Variants in MCF2L2 observed in about 807,000 individuals in gnomAD.
MCF2L2 encodes probable guanine nucleotide exchange factor MCF2L2.
Under a neutral mutation model 150.2 loss-of-function variants are expected in MCF2L2, and 102 were observed. The ratio of observed to expected loss-of-function variants is 0.68; its 90% CI spans 0.58 to 0.80. The LOEUF (loss-of-function observed/expected upper bound fraction) is 0.80, where lower values mean the gene tolerates loss of function less well. Ranked by LOEUF, MCF2L2 falls within the 30% of genes least tolerant of loss-of-function variation. MCF2L2 has a pLI of 0.00. For synonymous variants in MCF2L2, 465 were observed against 491.3 expected (o/e 0.95, Z 0.71); for missense variants, 1,256 against 1,372.8 (o/e 0.91, Z 1.34).
intron 15 of MCF2L2, among the ~76,000 whole-genome samples, chr3:183,258,128 C>A (rs550408343): frequency 1.3e-5 from 2 of 152,054 alleles, no homozygotes; most frequent in Admixed American, 6.5e-5. Context: ...CCACCACACC[C>A]AGCTAATTTT....
intron 25 of MCF2L2, among the ~76,000 whole-genome samples, chr3:183,201,894 T>C (rs1234077224): frequency 6.6e-6 from 1 of 152,262 alleles, no homozygotes; most frequent in Non-Finnish European, 1.5e-5. Context: ...ATGTGGTTTT[T>C]GTCTTCGGAG....
At chr3:183,363,378 G>A (rs554828706) in intron 3 of MCF2L2, among the ~76,000 whole-genome samples, 1 of 152,312 alleles carries the variant, frequency 6.6e-6, no homozygotes, top group Non-Finnish European at 1.5e-5. Flanking sequence ...GATGTTTATA[G>A]AAGCTTTATT....
chr3:183,332,198 C>G (rs1730299305), intron 5 of MCF2L2, among the ~76,000 whole-genome samples: 1 of 152,168 alleles, frequency 6.6e-6, no homozygotes, highest in Admixed American at 6.5e-5. Flanking sequence ...TTTCATTAAG[C>G]TTGATAACTT....
At chr3:183,186,647 A>G (rs1721705010) in intron 27 of MCF2L2, among the ~76,000 whole-genome samples, 1 of 152,236 alleles carries the variant, frequency 6.6e-6, no homozygotes, top group African/African-American at 2.4e-5. Flanking sequence ...GAATCAATTG[A>G]ACCTGGGAGG....
chr3:183,378,249 G>C (rs1713307920), intron 3 of MCF2L2: 1 of 152,186 alleles, frequency 6.6e-6, no homozygotes. Context: ...AGGGAGGGGT[G>C]GGGGCTCATA....
rs555062346 is a variant in MCF2L2, at chr3:183,389,561, C to G, written c.160+135G>C. 3.3e-5 allele frequency: 23 copies of G among 700,976 alleles called. No individual in the cohort carries two copies. The South Asian group carries it at 3.7e-4, about 11-fold the overall frequency. 43.4% of individuals were successfully genotyped at this position (700,976 alleles called of 1,614,324 possible). A position where few individuals can be genotyped will look rare whatever the true frequency, so the allele number is the denominator to read the frequency against. ...CCTCTTCTGGCAGGATAGGCCTCAG[C>G]CTGTTCTAGTCCCGGGTGAAGCCTA... On this transcript the variant is annotated intron_variant, in intron 2 of 29. Coordinates refer to ENST00000328913, the MANE Select transcript of MCF2L2 (RefSeq NM_015078.4).
intron 26 of MCF2L2, among the ~76,000 whole-genome samples, chr3:183,194,698 T>C (rs1329623856): frequency 3.9e-5 from 6 of 151,960 alleles, no homozygotes; most frequent in Non-Finnish European, 7.4e-5. Context: ...AGCAGTGGGG[T>C]TGGGAACTGA....
chr3:183,216,157 A>G, intron 21 of MCF2L2, 63 bp from the exon 22 acceptor site: 2 of 1,578,834 alleles, frequency 1.3e-6, no homozygotes, highest in Non-Finnish European at 1.7e-6. Context: ...GAAGAAGGAA[A>G]ACAGGACAGA....
At chr3:183,368,624 C>T (rs1450775175) in intron 3 of MCF2L2, among the ~76,000 whole-genome samples, 3 of 152,068 alleles carry the variant, frequency 2.0e-5, no homozygotes, top group South Asian at 4.1e-4. Context: ...ATTAGCCAGG[C>T]GTGGTGGCAG....
Position 183,206,111 on chromosome 3 carries a change from A to C in MCF2L2, c.2805+11T>G, listed in dbSNP as rs757261980. On this transcript the variant is annotated intron_variant, in intron 24 of 29. Coordinates refer to ENST00000328913, the MANE Select transcript of MCF2L2 (RefSeq NM_015078.4). ...AGTAGAGGAGACCCATGGGGAAGGC[A>C]TGAGCGTTACCTGCAGGATGTATTT... The C allele has an allele frequency of 6.2e-7, 1 of 1,612,838 alleles. No homozygotes were observed. Among genetic ancestry groups the C allele is most frequent in the South Asian group, 1.1e-5 (1 of 91,058 alleles).
chr3:183,228,160 A>G (rs189913070), intron 18 of MCF2L2, 137 bp downstream of exon 18: 1 of 640,408 alleles, frequency 1.6e-6, no homozygotes, highest in East Asian at 2.7e-5. Context: ...TTTACCAATT[A>G]TACTTCAGTA....
At chr3:183,278,798 C>T (rs994664314) in intron 14 of MCF2L2, among the ~76,000 whole-genome samples, 1 of 152,134 alleles carries the variant, frequency 6.6e-6, no homozygotes, top group Admixed American at 6.5e-5. Context: ...AACAATGATT[C>T]AGGAGTAGGT....
chr3:183,309,690 G>C (rs1280373187), intron 10 of MCF2L2, 26 bp downstream of exon 10: 1 of 1,613,882 alleles, frequency 6.2e-7, no homozygotes, highest in Non-Finnish European at 8.5e-7. Context: ...CTCCCTCCCA[G>C]TACACAAAAA....
chr3:183,270,607 AG>A lies in MCF2L2; in HGVS notation c.1862+6264del, dbSNP rs1726676669. On this transcript the variant is annotated intron_variant, in intron 15 of 29. Transcript: ENST00000328913. This position sits in a 1 kb window ranked among gnomAD's most constrained non-coding sequence, Gnocchi z 4.5. Reference sequence around the variant, plus strand: ...GGTGATGTAGCTGCCAAAGTCTATGAGGCATCACAGACACTAAATTCAAGTC... The same window carrying A: ...GGTGATGTAGCTGCCAAAGTCTATGAGCATCACAGACACTAAATTCAAGTC... 6.2e-7 allele frequency: 1 copy of A among 1,614,096 alleles called. No individual in the cohort carries two copies. Among genetic ancestry groups the A allele is most frequent in the Non-Finnish European group, 8.5e-7 (1 of 1,180,058 alleles).
chr3:183,318,311 A>G, intron 6 of MCF2L2, 94 bp from the exon 7 acceptor site: 1 of 1,385,666 alleles, frequency 7.2e-7, no homozygotes, highest in Non-Finnish European at 1.0e-6. Flanking sequence ...TGATAAAATT[A>G]GTGAATAATC....
intron 27 of MCF2L2, among the ~76,000 whole-genome samples, chr3:183,184,467 A>G (rs1220702871): frequency 1.3e-5 from 2 of 152,242 alleles, no homozygotes; most frequent in Non-Finnish European, 2.9e-5. Flanking sequence ...CATAAGGAGT[A>G]TTGGTGGAGA....
Position 183,318,072 on chromosome 3 carries a change from A to C in MCF2L2, c.749T>G (p.Leu250Arg). Residue 250 changes from leucine to arginine, a missense_variant, in exon 7 of 30, where the codon CTG becomes CGG. By Grantham distance (102) the Leu-to-Arg change is moderately radical (BLOSUM62 -2). Transcript: ENST00000328913. ...GAGAGGTCACTGACCGCTCACCTGC[A>C]GCTTGTCCCGCTGCCTTGTGTGGGA... Reference protein sequence around the residue: ...LMSHTRQRDKLQDELKLLGKQ... With the variant: ...LMSHTRQRDKRQDELKLLGKQ... 6.2e-7 allele frequency: 1 copy of C among 1,613,736 alleles called. No individual in the cohort carries two copies. Among genetic ancestry groups the C allele is most frequent in the Non-Finnish European group, 8.5e-7 (1 of 1,179,852 alleles).
intron 15 of MCF2L2, among the ~76,000 whole-genome samples, chr3:183,274,341 G>A (rs563069722): frequency 1.3e-5 from 2 of 152,222 alleles, no homozygotes; most frequent in African/African-American, 2.4e-5. Flanking sequence ...AAAAGGTTAC[G>A]TTTTCCTTTT....
intron 11 of MCF2L2, 128 bp from the exon 12 acceptor site, chr3:183,297,295 C>T (rs186587004): frequency 5.3e-4 from 437 of 832,380 alleles, no homozygotes; most frequent in Non-Finnish European, 7.5e-4. Context: ...TGTCATGGGA[C>T]GGCATCGAGT....
Sources: gnomAD v4.1 joint callset for allele counts (sites outside exome capture counted in the v4.1 genomes callset) on GRCh38, gnomAD v4.1.1 for gene constraint, Gnocchi (gnomAD v3.1) non-coding constraint, MANE v1.5 for transcripts, NCBI Gene and HGNC (gene_info 2026-07-23, HGNC 2026-07-21) for gene names.